The following SCHIP1 variants were observed in gnomAD, a reference collection of about 807,000 sequenced individuals.
SCHIP1 encodes the protein schwannomin-interacting protein 1.
A neutral mutation model predicts 29.7 loss-of-function variants in SCHIP1; 8 were observed. The ratio of observed to expected loss-of-function variants is 0.27; its 90% confidence interval spans 0.16 to 0.49. The LOEUF (loss-of-function observed/expected upper bound fraction) is 0.49, where lower values mean the gene tolerates loss of function less well. Ranked by LOEUF, SCHIP1 falls within the 20% of genes least tolerant of loss-of-function variation. The pLI, the probability that SCHIP1 is intolerant of heterozygous loss-of-function variation, is 0.99. For synonymous variants in SCHIP1, 76 were observed against 94.9 expected (o/e 0.80, Z 1.16); for missense variants, 193 against 294.6 (o/e 0.66, Z 2.52).
At chr3:159,401,324 A>G in the SCHIP1 span, 14 of 946,320 alleles carry the variant, frequency 1.5e-5, no homozygotes, top group Non-Finnish European at 1.8e-5. Context: ...TACAAACTCT[A>G]TCTTTGAGGC....
At chr3:159,366,521 C>T in the SCHIP1 span, among the ~76,000 whole-genome samples, 2 of 150,212 alleles carry the variant, frequency 1.3e-5, no homozygotes, top group South Asian at 4.2e-4. Flanking sequence ...CCATTCAGTT[C>T]CCTGATCTGT....
the SCHIP1 span, among the ~76,000 whole-genome samples, chr3:159,820,373 C>T: frequency 1.2e-4 from 19 of 152,120 alleles, 1 homozygote. Context: ...AAATCAGACA[C>T]TAAGCCTAAA....
At chr3:159,472,171 A>T in the SCHIP1 span, among the ~76,000 whole-genome samples, 1 of 152,186 alleles carries the variant, frequency 6.6e-6, no homozygotes, top group Non-Finnish European at 1.5e-5. Flanking sequence ...AGAAATTGTT[A>T]TGATCTTAAA....
At chr3:159,883,705 G>T (rs1175652599) in intron 2 of SCHIP1, among the ~76,000 whole-genome samples, 5 of 152,096 alleles carry the variant, frequency 3.3e-5, no homozygotes, top group Non-Finnish European at 7.3e-5. Flanking sequence ...AACATTCTTG[G>T]TGATTACCAC....
the SCHIP1 span, among the ~76,000 whole-genome samples, chr3:159,528,481 G>A: frequency 2.0e-5 from 3 of 152,118 alleles, no homozygotes; most frequent in Admixed American, 6.6e-5. Context: ...GCTGGCAGTG[G>A]CGACTCTACT....
At chr3:159,701,341 C>T in the SCHIP1 span, among the ~76,000 whole-genome samples, 1 of 151,984 alleles carries the variant, frequency 6.6e-6, no homozygotes, top group African/African-American at 2.4e-5. Flanking sequence ...GTACAGAGTT[C>T]CTATATACCC....
At chr3:159,338,296 G>T in the SCHIP1 span, among the ~76,000 whole-genome samples, 1 of 152,142 alleles carries the variant, frequency 6.6e-6, no homozygotes, top group Admixed American at 6.6e-5. Context: ...TCAGTGAGAA[G>T]GTGATGCTTG....
At chr3:159,332,230 T>C in the SCHIP1 span, among the ~76,000 whole-genome samples, 2 of 152,340 alleles carry the variant, frequency 1.3e-5, no homozygotes, top group East Asian at 1.9e-4. Flanking sequence ...AGGTGCTCAA[T>C]AAATATTTGC....
At chr3:159,446,342 TAGAA>T in the SCHIP1 span, among the ~76,000 whole-genome samples, 9 of 151,786 alleles carry the variant, frequency 5.9e-5, no homozygotes, top group Admixed American at 4.6e-4. Flanking sequence ...AAGAAACAAA[TAGAA>T]AGAGGTGGGA....
the SCHIP1 span, among the ~76,000 whole-genome samples, chr3:159,758,774 T>C: frequency 6.6e-6 from 1 of 152,218 alleles, no homozygotes; most frequent in African/African-American, 2.4e-5. Flanking sequence ...ACCTGTTGTA[T>C]AGTTCACAAT....
intron 2 of SCHIP1, among the ~76,000 whole-genome samples, chr3:159,885,578 T>TG (rs1190066027): frequency 6.6e-6 from 1 of 152,194 alleles, no homozygotes; most frequent in Non-Finnish European, 1.5e-5. Context: ...TGCAGAACCT[T>TG]GCTGTGTTCT....
At chr3:159,765,405 C>G in the SCHIP1 span, 16 of 430,998 alleles carry the variant, frequency 3.7e-5, no homozygotes, top group Non-Finnish European at 6.1e-5. Context: ...ACCGGCGACT[C>G]ATTTTAATGG....
the SCHIP1 span, among the ~76,000 whole-genome samples, chr3:159,444,281 T>G: frequency 6.6e-6 from 1 of 151,990 alleles, no homozygotes; most frequent in Non-Finnish European, 1.5e-5. Flanking sequence ...TGAAGGTCAC[T>G]TCAAGGGTGG....
chr3:159,403,555 C>T, the SCHIP1 span, among the ~76,000 whole-genome samples: 1 of 152,170 alleles, frequency 6.6e-6, no homozygotes, highest in Non-Finnish European at 1.5e-5. Context: ...TGGAAAGCAA[C>T]ACTGGGAAGA....
At chr3:159,423,050 A>C in the SCHIP1 span, among the ~76,000 whole-genome samples, 1 of 152,342 alleles carries the variant, frequency 6.6e-6, no homozygotes, top group East Asian at 1.9e-4. Context: ...TAGATGAGTA[A>C]AGAATATGTC....
the SCHIP1 span, among the ~76,000 whole-genome samples, chr3:159,791,142 A>C: frequency 6.6e-6 from 1 of 152,226 alleles, no homozygotes; most frequent in Non-Finnish European, 1.5e-5. Context: ...TAGGGACCTC[A>C]GCGCAGATAA....
chr3:159,684,330 C>T, the SCHIP1 span, among the ~76,000 whole-genome samples: 190 of 152,334 alleles, frequency 1.2e-3, no homozygotes, highest in African/African-American at 4.5e-3. Flanking sequence ...CTAATAAGGG[C>T]TCTGGCTTAG....
chr3:159,496,954 A>G, the SCHIP1 span, among the ~76,000 whole-genome samples: 15 of 152,176 alleles, frequency 9.9e-5, no homozygotes, highest in Non-Finnish European at 2.9e-5. Flanking sequence ...TGTCCTTTGT[A>G]GCGACATGGA....
At chr3:159,840,790 A>T (rs1295183385) in intron 1 of SCHIP1, among the ~76,000 whole-genome samples, 1 of 152,242 alleles carries the variant, frequency 6.6e-6, no homozygotes, top group Non-Finnish European at 1.5e-5. Context: ...AAGTATCAAC[A>T]TGCATCAAAA....
Sources: allele counts gnomAD v4.1 joint callset (sites outside exome capture counted in the v4.1 genomes callset), GRCh38; gene constraint gnomAD v4.1.1; transcripts MANE v1.5; gene names NCBI Gene and HGNC (gene_info 2026-07-23, HGNC 2026-07-21).